The following TAFA1 variants were observed in gnomAD, a reference collection of about 807,000 sequenced individuals.
The protein encoded by TAFA1 is chemokine-like protein TAFA-1.
In TAFA1, 4 loss-of-function variants were observed where a neutral mutation model predicts 18.5. The ratio of observed to expected loss-of-function variants is 0.22; its 90% CI spans 0.11 to 0.49. The LOEUF (loss-of-function observed/expected upper bound fraction) is 0.49, where lower values mean the gene tolerates loss of function less well. Ranked by LOEUF, TAFA1 falls within the 20% of genes least tolerant of loss-of-function variation. The probability of loss-of-function intolerance (pLI) is 0.98; values close to 1 mark genes in which losing one functional copy is unlikely to be tolerated. For missense variants in TAFA1, 147 were observed against 169.0 expected (o/e 0.87, Z 0.72); for synonymous variants, 56 against 55.2 (o/e 1.01, Z -0.06).
intron 2 of TAFA1, among the ~76,000 whole-genome samples, chr3:68,186,567 C>A (rs555860635): frequency 6.6e-6 from 1 of 151,966 alleles, no homozygotes; most frequent in Non-Finnish European, 1.5e-5. Flanking sequence ...GGGACAGACA[C>A]GTTGTAGTTG....
rs149255643 is a variant in TAFA1 at position 68,242,583 on chromosome 3, A to C, written c.119-174697A>C. 1.4e-4 allele frequency among the ~76,000 whole-genome samples: 21 copies of C among 152,264 alleles called. No individual in the cohort carries two copies. The East Asian group carries it at 4.1e-3, about 29-fold the overall frequency. On this transcript the variant is annotated intron_variant, in intron 2 of 4. Transcript: ENST00000478136. ...ATAGTTAGAGTCTCTCACATCACCT[A>C]GTTTAATTGCCACATTAAAAACTAT...
chr3:68,363,848 C>T (rs998538804), intron 2 of TAFA1, among the ~76,000 whole-genome samples: 1 of 152,032 alleles, frequency 6.6e-6, no homozygotes, highest in African/African-American at 2.4e-5. Flanking sequence ...ACACAGGCAG[C>T]CTTGCGGGAT....
intron 2 of TAFA1, among the ~76,000 whole-genome samples, chr3:68,269,646 G>T (rs1273270136): frequency 6.6e-6 from 1 of 151,992 alleles, no homozygotes; most frequent in African/African-American, 2.4e-5. Flanking sequence ...TTTTGGCCAG[G>T]AGTGATGGCT....
intron 2 of TAFA1, among the ~76,000 whole-genome samples, chr3:68,223,304 G>A (rs992606115): frequency 1.3e-5 from 2 of 152,088 alleles, no homozygotes; most frequent in East Asian, 1.9e-4. Context: ...TGGAGTTGTC[G>A]TTCAAAATCG....
intron 2 of TAFA1, among the ~76,000 whole-genome samples, chr3:68,100,122 C>A (rs1381017058): frequency 6.6e-5 from 10 of 151,998 alleles, no homozygotes; most frequent in Non-Finnish European, 4.4e-5. Context: ...AGGAAACAAA[C>A]CTCCACGTAC....
At chr3:68,208,179 C>A (rs1416822203) in intron 2 of TAFA1, among the ~76,000 whole-genome samples, 1 of 151,868 alleles carries the variant, frequency 6.6e-6, no homozygotes, top group East Asian at 2.0e-4. Flanking sequence ...GAAGCTATTC[C>A]TTCCTTCTGC....
chr3:68,223,386 A>G (rs1575689460), intron 2 of TAFA1, among the ~76,000 whole-genome samples: 1 of 152,224 alleles, frequency 6.6e-6, no homozygotes, highest in East Asian at 1.9e-4. Context: ...GTGTTATTCA[A>G]TAGTATCACT....
At chr3:68,158,609 C>A (rs1007583) in intron 2 of TAFA1, among the ~76,000 whole-genome samples, 1 of 151,802 alleles carries the variant, frequency 6.6e-6, no homozygotes, top group Non-Finnish European at 1.5e-5. Context: ...ATATAAGGTA[C>A]AGTCATTGGC....
intron 2 of TAFA1, among the ~76,000 whole-genome samples, chr3:68,316,113 A>G (rs1342693587): frequency 6.6e-6 from 1 of 152,232 alleles, no homozygotes; most frequent in East Asian, 1.9e-4. Flanking sequence ...TTGTAATTAA[A>G]TGAGGGATTC....
chr3:68,475,601 A>G (rs1406656073), intron 3 of TAFA1, among the ~76,000 whole-genome samples: 2 of 152,184 alleles, frequency 1.3e-5, no homozygotes, highest in African/African-American at 4.8e-5. Flanking sequence ...GCTATTGTGA[A>G]TAGTGCCACA....
chr3:68,247,502 G>C (rs1269220320), intron 2 of TAFA1: 3 of 152,164 alleles, frequency 2.0e-5, no homozygotes, highest in Admixed American at 6.5e-5. Context: ...CTGCAGGTAT[G>C]CTGAGGGGCC....
the TAFA1 span, among the ~76,000 whole-genome samples, chr3:67,998,266 A>G: frequency 6.6e-6 from 1 of 152,224 alleles, no homozygotes; most frequent in Non-Finnish European, 1.5e-5. Context: ...CGTAGGAAGA[A>G]ATTATAAAAC....
intron 2 of TAFA1, among the ~76,000 whole-genome samples, chr3:68,071,885 TAGCACCA>T (rs1409901755): frequency 3.9e-5 from 6 of 151,948 alleles, no homozygotes; most frequent in African/African-American, 1.4e-4. Flanking sequence ...ATCACAAAGA[TAGCACCA>T]AGCCATGAGG....
intron 2 of TAFA1, among the ~76,000 whole-genome samples, chr3:68,168,567 A>T (rs954617875): frequency 1.9e-4 from 29 of 152,206 alleles, no homozygotes; most frequent in African/African-American, 7.0e-4. Flanking sequence ...TCCAGAAATG[A>T]CTGTCTTTTC....
intron 3 of TAFA1, among the ~76,000 whole-genome samples, chr3:68,421,699 T>A (rs889585334): frequency 6.6e-6 from 1 of 152,096 alleles, no homozygotes; most frequent in African/African-American, 2.4e-5. Context: ...TTGTGCTGAT[T>A]TTTTTAAGAT....
chr3:68,327,184 A>G (rs1455108126), intron 2 of TAFA1, among the ~76,000 whole-genome samples: 19 of 152,162 alleles, frequency 1.2e-4, no homozygotes, highest in Non-Finnish European at 8.8e-5. Flanking sequence ...AGGCCTCCCC[A>G]GCCATGTGGA....
At chr3:68,033,428 A>G (rs749546634) in intron 2 of TAFA1, among the ~76,000 whole-genome samples, 47 of 152,108 alleles carry the variant, frequency 3.1e-4, no homozygotes, top group South Asian at 6.2e-4. Context: ...TTTTAGTTTT[A>G]TTTTGTATGT....
rs1328178844 is a variant in TAFA1, at chr3:68,032,633, G to A, written c.118+25889G>A. 2.0e-5 allele frequency among the ~76,000 whole-genome samples: 3 copies of A among 152,118 alleles called. No homozygotes were observed. The East Asian group carries it at 5.8e-4, about 29-fold the overall frequency. On this transcript the variant is annotated intron_variant, in intron 2 of 4. Coordinates refer to ENST00000478136, the MANE Select transcript of TAFA1 (RefSeq NM_213609.4). ...GACTCCAAACCACTCCTTTCCCACT[G>A]CCTGGTTCCACTTCCCTTCCCACTC...
intron 3 of TAFA1, among the ~76,000 whole-genome samples, chr3:68,499,470 G>A: frequency 1.6e-5 from 2 of 123,698 alleles, no homozygotes; most frequent in East Asian, 5.1e-4. Context: ...TTTTTGAGAA[G>A]ACATGCTACA....
Sources: gnomAD v4.1 joint callset for allele counts (sites outside exome capture counted in the v4.1 genomes callset) on GRCh38, gnomAD v4.1.1 for gene constraint, MANE v1.5 for transcripts, NCBI Gene and HGNC (gene_info 2026-07-23, HGNC 2026-07-21) for gene names.